ARHGAP10: variants seen among roughly 807,000 people sequenced by gnomAD.
ARHGAP10 encodes rho GTPase-activating protein 10.
Under a neutral mutation model 108.6 loss-of-function variants are expected in ARHGAP10, and 87 were observed. That is an observed-to-expected ratio of 0.80 (90% CI 0.67 to 0.96). ARHGAP10 has a LOEUF of 0.96. Ranked by LOEUF, ARHGAP10 falls within the 40% of genes least tolerant of loss-of-function variation. The pLI is 0.00. For synonymous variants in ARHGAP10, 347 were observed against 341.1 expected, an observed-to-expected ratio of 1.02 and a Z score of -0.19; for missense variants, 939 against 954.5, an observed-to-expected ratio of 0.98 and a Z score of 0.21.
chr4:147,875,735 C>G (rs538066682), intron 8 of ARHGAP10, among the ~76,000 whole-genome samples: 1 of 152,192 alleles, frequency 6.6e-6, no homozygotes, highest in Non-Finnish European at 1.5e-5. Flanking sequence ...GATATTCCTA[C>G]GTGGCATCCT....
chr4:147,871,657 C>G (rs1579141579), intron 7 of ARHGAP10, among the ~76,000 whole-genome samples: 1 of 152,104 alleles, frequency 6.6e-6, no homozygotes, highest in East Asian at 1.9e-4. Flanking sequence ...TCAAATGTTA[C>G]CTATTGTAAC....
intron 22 of ARHGAP10, among the ~76,000 whole-genome samples, chr4:148,071,191 A>G (rs1730160607): frequency 6.6e-6 from 1 of 152,230 alleles, no homozygotes; most frequent in Non-Finnish European, 1.5e-5. Flanking sequence ...AAAGGCCTGG[A>G]GTTGCAGTTG....
At chr4:147,944,695 G>A (rs560943559) in intron 14 of ARHGAP10, among the ~76,000 whole-genome samples, 53 of 152,292 alleles carry the variant, frequency 3.5e-4, no homozygotes, top group African/African-American at 1.1e-3. Context: ...CTGAAACAAC[G>A]AGGTTTTTTT....
Position 147,936,317 on chromosome 4 carries a change from CT to C in ARHGAP10, c.1229-3486del, listed in dbSNP as rs765432394. Among the ~76,000 whole-genome samples, 709 of 97,854 alleles carry C rather than the reference CT, an allele frequency of 7.2e-3. 2 individuals are homozygous for C. Among genetic ancestry groups the C allele is most frequent in the African/African-American group, 0.024 (584 of 24,648 alleles). The allele number at this position is 97,854 out of a possible 152,430, so 64.2% of individuals were successfully genotyped here. On this transcript the variant is annotated intron_variant, in intron 13 of 22. Transcript: ENST00000336498. ...GGGCTGTGCGGCCTCCTTTTCCTCT[CT>C]TTTTTTTTTTTTTTTTTTTTTGAGA...
intron 3 of ARHGAP10, among the ~76,000 whole-genome samples, chr4:147,841,950 C>T (rs76296361): frequency 0.015 from 2,342 of 152,218 alleles, 45 homozygotes; most frequent in African/African-American, 0.048. Context: ...ACGTCACCCC[C>T]AAGATGGAGT....
At position 147,732,368 on chromosome 4, in the gene ARHGAP10, C is replaced by T. The variant is rs1225418688; in HGVS notation, c.67C>T (p.Arg23Cys). The change falls in exon 1 of 23, where the codon CGC (arginine) becomes TGC (cysteine). Residue 23 changes from arginine to cysteine, a missense_variant. Coordinates refer to ENST00000336498, the MANE Select transcript of ARHGAP10 (RefSeq NM_024605.4). ...LDSPWFRERI[R>C]AHEAELERTN... ...CAGCCCGTGGTTCCGGGAGAGGATC[C>T]GCGCTCACGAAGCGGAACTCGAGAG... 1.2e-6 allele frequency: 2 copies of T among 1,613,520 alleles called. No individual in the cohort carries two copies. The highest frequency in any genetic ancestry group is 4.5e-5 in the East Asian group (2 of 44,826).
At chr4:147,757,080 A>G (rs1032618624) in intron 1 of ARHGAP10, among the ~76,000 whole-genome samples, 2 of 152,122 alleles carry the variant, frequency 1.3e-5, no homozygotes, top group Non-Finnish European at 2.9e-5. Flanking sequence ...TGGCTTCTTT[A>G]AATTTACGGA....
chr4:147,763,986 C>T (rs918586885), intron 1 of ARHGAP10, among the ~76,000 whole-genome samples: 2 of 152,052 alleles, frequency 1.3e-5, no homozygotes, highest in Non-Finnish European at 2.9e-5. Flanking sequence ...AACTCCTGAC[C>T]TCGGGTGATC....
At chr4:148,032,668 C>A (rs972066984) in intron 19 of ARHGAP10, among the ~76,000 whole-genome samples, 1 of 152,026 alleles carries the variant, frequency 6.6e-6, no homozygotes, top group Admixed American at 6.6e-5. Flanking sequence ...CACATGATCA[C>A]AAGGTGAAGT....
intron 14 of ARHGAP10, chr4:147,946,133 G>A (rs1359109344): frequency 6.5e-6 from 1 of 152,828 alleles, no homozygotes; most frequent in African/African-American, 2.4e-5. Context: ...CAATGACCTG[G>A]GTGGATCGGA....
At position 147,966,761 on chromosome 4, in the gene ARHGAP10, G is replaced by A; in HGVS notation, c.1638G>A (p.Gln546=). 1.2e-6 allele frequency: 2 copies of A among 1,607,864 alleles called. No individual in the cohort carries two copies. Among genetic ancestry groups the A allele is most frequent in the Non-Finnish European group, 8.5e-7 (1 of 1,175,634 alleles). Residue 546 remains glutamine, a synonymous_variant, in exon 18 of 23, where the codon CAG becomes CAA. Coordinates refer to ENST00000336498, the MANE Select transcript of ARHGAP10 (RefSeq NM_024605.4). The part of the protein sequence containing the change: ...VVFGPTLMRP[Q]EETVAALMDL... Reference sequence around the variant, plus strand: ...TTGGACCAACTCTGATGAGGCCACAGGAAGAAACTGTCGCTGCCCTCATGG... The same window carrying A: ...TTGGACCAACTCTGATGAGGCCACAAGAAGAAACTGTCGCTGCCCTCATGG...
intron 1 of ARHGAP10, among the ~76,000 whole-genome samples, chr4:147,747,453 A>G (rs1728980559): frequency 6.6e-6 from 1 of 152,254 alleles, no homozygotes; most frequent in South Asian, 2.1e-4. Context: ...AATGCTTACA[A>G]AAGATACCCA....
chr4:147,936,047 T>G (rs1284649235), intron 13 of ARHGAP10, among the ~76,000 whole-genome samples: 1 of 152,188 alleles, frequency 6.6e-6, no homozygotes, highest in Non-Finnish European at 1.5e-5. Flanking sequence ...CACAGAGGCA[T>G]GTTTGCTTGA....
intron 7 of ARHGAP10, among the ~76,000 whole-genome samples, chr4:147,870,928 C>CTATGTGTG: frequency 7.2e-6 from 1 of 139,156 alleles, no homozygotes; most frequent in African/African-American, 2.6e-5. Context: ...AAACTACAGA[C>CTATGTGTG]TGTGTGTGTG....
chr4:147,818,093 T>G (rs528072412), intron 1 of ARHGAP10, among the ~76,000 whole-genome samples: 1 of 151,908 alleles, frequency 6.6e-6, no homozygotes, highest in African/African-American at 2.4e-5. Context: ...TTACCAGCAG[T>G]GTAAAGAGGT....
At position 147,768,820 on chromosome 4, in the gene ARHGAP10, C is replaced by A. The variant is rs148638243; in HGVS notation, c.154+36365C>A. Among the ~76,000 whole-genome samples, 12 of 151,500 alleles carry A rather than the reference C, an allele frequency of 7.9e-5. No individual in the cohort carries two copies. In the East Asian group the frequency reaches 2.3e-3, roughly 29 times the overall value. On this transcript the variant is annotated intron_variant, in intron 1 of 22. Transcript: ENST00000336498. The stretch of plus-strand genomic sequence containing the variant: ...GTGGTGCCATCTCTGTTCACTGCAG[C>A]CTCCGCCTCCTGGGTTCAAGCGATT...
Position 147,906,702 on chromosome 4 carries a change from C to A in ARHGAP10, c.1099C>A (p.Leu367Met), listed in dbSNP as rs763938835. Residue 367 changes from leucine (L) to methionine (M), a missense_variant, in exon 11 of 23, where the codon CTG becomes ATG. Transcript: ENST00000336498. ...GGAAAGGAAGCAGTGGTTGGAAGCT[C>A]TGGGTGGAAAGGAAGCTGTAAGAAT... Reference protein sequence around the residue: ...EEERKQWLEALGGKEALSHSF... With the variant: ...EEERKQWLEAMGGKEALSHSF... 35 of 1,613,982 alleles carry A rather than the reference C, an allele frequency of 2.2e-5. No homozygotes were observed. The highest frequency in any genetic ancestry group is 3.0e-5 in the Non-Finnish European group (35 of 1,180,016).
intron 1 of ARHGAP10, among the ~76,000 whole-genome samples, chr4:147,785,426 A>G (rs1470463860): frequency 2.0e-5 from 3 of 152,142 alleles, no homozygotes; most frequent in Non-Finnish European, 2.9e-5. Context: ...TGAAAGCTGT[A>G]TTGTGCCCGT....
chr4:147,844,903 A>G (rs1056137742), intron 3 of ARHGAP10, among the ~76,000 whole-genome samples: 7 of 152,090 alleles, frequency 4.6e-5, no homozygotes, highest in South Asian at 4.2e-4. Flanking sequence ...CATTCTGTCA[A>G]TTCACTGCTT....
Sources: gnomAD v4.1 joint callset for allele counts (sites outside exome capture counted in the v4.1 genomes callset) on GRCh38, gnomAD v4.1.1 for gene constraint, MANE v1.5 for transcripts, NCBI Gene and HGNC (gene_info 2026-07-23, HGNC 2026-07-21) for gene names.